Variants in KLF8 observed in about 807,000 individuals in gnomAD.
The protein encoded by KLF8 is Krueppel-like factor 8.
KLF8 carries 10 observed loss-of-function variants against 18.2 expected under a neutral mutation model. The ratio of observed to expected loss-of-function variants is 0.55; its 90% CI spans 0.34 to 0.93. KLF8 has a LOEUF of 0.93. Among genes scored for constraint, KLF8 ranks in the 40% least tolerant of loss-of-function variants. KLF8 has a pLI of 0.02. For missense variants in KLF8, 264 were observed against 277.9 expected (o/e 0.95, Z 0.36); for synonymous variants, 109 against 97.3 (o/e 1.12, Z -0.71).
At chrX:56,032,597 G>A in the KLF8 span, among the ~76,000 whole-genome samples, 1 of 111,704 alleles carries the variant, frequency 9.0e-6, no homozygotes, top group Non-Finnish European at 1.9e-5. Context: ...ATAGCCTTTT[G>A]ATTCTTGCTT....
the KLF8 span, among the ~76,000 whole-genome samples, chrX:55,945,046 G>C: frequency 2.7e-5 from 3 of 111,362 alleles, no homozygotes; most frequent in Non-Finnish European, 5.7e-5. Flanking sequence ...GTTCTCGTTG[G>C]TTTCAAAGAA....
At chrX:56,187,658 CA>C in the KLF8 span, among the ~76,000 whole-genome samples, 3 of 110,907 alleles carry the variant, frequency 2.7e-5, no homozygotes, top group Admixed American at 1.9e-4. Context: ...AGCAGCACAT[CA>C]AAAAACTTAT....
chrX:56,255,636 C>T (rs758114904), intron 2 of KLF8, among the ~76,000 whole-genome samples: 18 of 112,324 alleles, frequency 1.6e-4, no homozygotes, highest in Non-Finnish European at 2.4e-4. Context: ...GCTTTTTCAG[C>T]ATCAATTGAA....
intron 1 of KLF8, among the ~76,000 whole-genome samples, chrX:56,249,436 T>C (rs1453803423): frequency 8.9e-6 from 1 of 112,342 alleles, no homozygotes; most frequent in Non-Finnish European, 1.9e-5. Context: ...TCATTATGGA[T>C]GGGGAAACCT....
chrX:56,066,530 A>G, the KLF8 span, among the ~76,000 whole-genome samples: 1 of 111,975 alleles, frequency 8.9e-6, no homozygotes, highest in African/African-American at 3.2e-5. Context: ...GCTGGGGAGC[A>G]TATACTTCAG....
chrX:56,042,539 T>C, the KLF8 span, among the ~76,000 whole-genome samples: 2 of 112,074 alleles, frequency 1.8e-5, no homozygotes, highest in African/African-American at 6.5e-5. Context: ...TGGGCATATA[T>C]ATTTAGAATA....
the KLF8 span, among the ~76,000 whole-genome samples, chrX:56,046,018 C>T: frequency 1.8e-5 from 2 of 111,480 alleles, no homozygotes; most frequent in African/African-American, 6.5e-5. Flanking sequence ...AAGTTATGTC[C>T]CTTCTATGCC....
chrX:55,941,339 C>T, the KLF8 span, among the ~76,000 whole-genome samples: 1 of 112,080 alleles, frequency 8.9e-6, no homozygotes, highest in South Asian at 3.7e-4. Context: ...GCAACTGGAT[C>T]CCTTCCTTAC....
intron 2 of KLF8, among the ~76,000 whole-genome samples, chrX:56,256,705 G>GT (rs1014990060): frequency 3.0e-4 from 34 of 111,515 alleles, no homozygotes; most frequent in African/African-American, 1.0e-3. Flanking sequence ...GTTGTAGTTG[G>GT]TTTTTTTGTT....
the KLF8 span, among the ~76,000 whole-genome samples, chrX:56,029,409 C>A: frequency 9.0e-6 from 1 of 111,337 alleles, no homozygotes; most frequent in African/African-American, 3.3e-5. Flanking sequence ...GTCCTTCTAT[C>A]CAAGCAGGTC....
the KLF8 span, among the ~76,000 whole-genome samples, chrX:56,146,735 G>T: frequency 4.5e-5 from 5 of 110,249 alleles, no homozygotes; most frequent in Admixed American, 3.9e-4. Flanking sequence ...AGAAGAAGAA[G>T]AGAAAAAGAG....
chrX:56,151,071 G>C, the KLF8 span, among the ~76,000 whole-genome samples: 1 of 111,038 alleles, frequency 9.0e-6, no homozygotes, highest in South Asian at 3.8e-4. Flanking sequence ...AGGGAGTATG[G>C]TAAAAATAAG....
chrX:55,911,604 C>T, the KLF8 span, among the ~76,000 whole-genome samples: 31 of 111,379 alleles, frequency 2.8e-4, no homozygotes, highest in Non-Finnish European at 4.5e-4. Context: ...TATAAAACAC[C>T]TCATTAGCCT....
At chrX:56,009,533 A>T in the KLF8 span, among the ~76,000 whole-genome samples, 2 of 112,367 alleles carry the variant, frequency 1.8e-5, no homozygotes, top group Admixed American at 1.9e-4. Flanking sequence ...GAAAACCAAA[A>T]AAGCCAGAGT....
At chrX:55,951,587 A>G in the KLF8 span, among the ~76,000 whole-genome samples, 2 of 110,621 alleles carry the variant, frequency 1.8e-5, no homozygotes, top group Admixed American at 1.9e-4. Context: ...CAAGAGAGAT[A>G]AATTCTGACT....
At chrX:56,082,733 C>T in the KLF8 span, among the ~76,000 whole-genome samples, 20,913 of 111,013 alleles carry the variant, frequency 0.19, 3,937 homozygotes, top group African/African-American at 0.58. Flanking sequence ...AGAATTTCCA[C>T]AAATTTGTGA....
chrX:56,053,944 C>CA, the KLF8 span, among the ~76,000 whole-genome samples: 2 of 109,965 alleles, frequency 1.8e-5, no homozygotes, highest in East Asian at 2.8e-4. Flanking sequence ...TATTTTATGT[C>CA]AAAAAACCAA....
At chrX:56,055,495 A>T in the KLF8 span, among the ~76,000 whole-genome samples, 1 of 110,814 alleles carries the variant, frequency 9.0e-6, no homozygotes, top group Non-Finnish European at 1.9e-5. Flanking sequence ...TGCCTTTAAC[A>T]TTTTTACTTT....
chrX:56,017,496 G>A, the KLF8 span, among the ~76,000 whole-genome samples: 2 of 112,348 alleles, frequency 1.8e-5, no homozygotes, highest in Non-Finnish European at 3.8e-5. Context: ...AATGGAGGAA[G>A]ATGCAGTTGG....
Sources: allele counts gnomAD v4.1 joint callset (sites outside exome capture counted in the v4.1 genomes callset), GRCh38; gene constraint gnomAD v4.1.1; transcripts MANE v1.5; gene names NCBI Gene and HGNC (gene_info 2026-07-23, HGNC 2026-07-21).